Variants in NEMP2 observed in about 807,000 individuals in gnomAD.
NEMP2 encodes the protein UPF0571 transmembrane protein.
In NEMP2, 53 loss-of-function variants were observed where a neutral mutation model predicts 54.2. That is an observed-to-expected ratio of 0.98 (90% CI 0.78 to 1.23). The LOEUF (loss-of-function observed/expected upper bound fraction) is 1.23, where lower values mean the gene tolerates loss of function less well. Among genes scored for constraint, NEMP2 ranks in the 50% most tolerant of loss-of-function variants. The pLI, the probability that NEMP2 is intolerant of heterozygous loss-of-function variation, is 0.00. For synonymous variants in NEMP2, 197 were observed against 190.3 expected, an observed-to-expected ratio of 1.04 and a Z score of -0.29; for missense variants, 455 against 511.3, an observed-to-expected ratio of 0.89 and a Z score of 1.06.
chr2:190,611,254 A>T, the NEMP2 span, among the ~76,000 whole-genome samples: 10 of 152,352 alleles, frequency 6.6e-5, no homozygotes, highest in East Asian at 1.7e-3. This position sits in a 1 kb window ranked among gnomAD's most constrained non-coding sequence, Gnocchi z 5.4. Context: ...ACACATACAA[A>T]TAACATACTT....
At chr2:190,629,275 A>G in the NEMP2 span, among the ~76,000 whole-genome samples, 1 of 152,206 alleles carries the variant, frequency 6.6e-6, no homozygotes, top group Non-Finnish European at 1.5e-5. Context: ...AGCGGTCTTT[A>G]AAAAGTTCAT....
At chr2:190,630,342 C>T in the NEMP2 span, among the ~76,000 whole-genome samples, 285 of 152,238 alleles carry the variant, frequency 1.9e-3, 2 homozygotes, top group Middle Eastern at 0.01. This position sits in a 1 kb window ranked among gnomAD's most constrained non-coding sequence, Gnocchi z 5.5. Flanking sequence ...CTCAGCCTCC[C>T]GAGTAGCTGG....
chr2:190,557,576 T>G, the NEMP2 span, among the ~76,000 whole-genome samples: 1 of 152,160 alleles, frequency 6.6e-6, no homozygotes, highest in Non-Finnish European at 1.5e-5. Context: ...TGTATCCATC[T>G]GATAAAGGGC....
the NEMP2 span, among the ~76,000 whole-genome samples, chr2:190,564,320 G>A: frequency 1.2e-4 from 18 of 152,196 alleles, no homozygotes; most frequent in Non-Finnish European, 2.2e-4. This position sits in a 1 kb window ranked among gnomAD's most constrained non-coding sequence, Gnocchi z 4.2. Context: ...TCTCCAAGGT[G>A]TAGCACAGTG....
the NEMP2 span, among the ~76,000 whole-genome samples, chr2:190,475,708 CTACTT>C: frequency 6.6e-5 from 10 of 152,168 alleles, no homozygotes; most frequent in Non-Finnish European, 1.2e-4. Context: ...TTGGAAAAAA[CTACTT>C]TAAAGTTCAT....
At chr2:190,478,929 G>A in the NEMP2 span, among the ~76,000 whole-genome samples, 2 of 152,076 alleles carry the variant, frequency 1.3e-5, no homozygotes, top group South Asian at 4.2e-4. Flanking sequence ...GTACTATCTA[G>A]AGGGTAGCTG....
At chr2:190,575,984 T>C in the NEMP2 span, among the ~76,000 whole-genome samples, 1 of 152,048 alleles carries the variant, frequency 6.6e-6, no homozygotes, top group South Asian at 2.1e-4. Context: ...TTTACTTTTT[T>C]TTTTTTTTGA....
chr2:190,535,015 C>G (rs1192061196), upstream of NEMP2: 3 of 194,628 alleles, frequency 1.5e-5, no homozygotes, highest in African/African-American at 7.0e-5. Context: ...CTGCCCTCGG[C>G]GCAGGGGTGG....
At chr2:190,456,049 T>A in the NEMP2 span, among the ~76,000 whole-genome samples, 1 of 148,840 alleles carries the variant, frequency 6.7e-6, no homozygotes, top group Non-Finnish European at 1.5e-5. This position sits in a 1 kb window ranked among gnomAD's most constrained non-coding sequence, Gnocchi z 5.4. Flanking sequence ...CAAGCAGTTC[T>A]CCTGTGTCAG....
chr2:190,639,645 T>G, the NEMP2 span, among the ~76,000 whole-genome samples: 864 of 146,856 alleles, frequency 5.9e-3, 10 homozygotes, highest in African/African-American at 0.02. Flanking sequence ...AGTTTTTTTT[T>G]TTTGTTTTTT....
At position 190,510,339 on chromosome 2, in the gene NEMP2, C is replaced by G. The variant is rs113478265; in HGVS notation, c.1130+22G>C. 5 of 1,550,900 alleles carry G rather than the reference C, an allele frequency of 3.2e-6. No homozygotes were observed. In the African/African-American group the frequency reaches 4.1e-5, roughly 13 times the overall value. ...AATCATTCTGAACTAAACTATGGTCCGAGCAGCAGAGCGGGACTTACTTGC... is the reference window on the plus strand; with the variant it reads ...AATCATTCTGAACTAAACTATGGTCGGAGCAGCAGAGCGGGACTTACTTGC... On this transcript the variant is annotated intron_variant, in intron 8 of 8. Transcript: ENST00000409150. The surrounding 1 kb of genome is among the most constrained non-coding windows in gnomAD (Gnocchi z 5.7).
the NEMP2 span, among the ~76,000 whole-genome samples, chr2:190,432,115 ACT>A: frequency 6.6e-6 from 1 of 152,122 alleles, no homozygotes; most frequent in African/African-American, 2.4e-5. Flanking sequence ...GGTCTTGATA[ACT>A]CTGAGTTCCT....
At chr2:190,493,546 C>T in the NEMP2 span, among the ~76,000 whole-genome samples, 1 of 152,184 alleles carries the variant, frequency 6.6e-6, no homozygotes, top group African/African-American at 2.4e-5. Flanking sequence ...CAGATATTTA[C>T]AGAACATTCT....
At position 190,530,135 on chromosome 2, in the gene NEMP2, C is replaced by T. The variant is rs1272013944; in HGVS notation, c.97+4424G>A. Among the ~76,000 whole-genome samples the T allele has an allele frequency of 6.6e-6, 1 of 152,202 alleles. No homozygotes were observed. The highest frequency in any genetic ancestry group is 1.9e-4 in the East Asian group (1 of 5,194). On this transcript the variant is annotated intron_variant, in intron 1 of 8. Coordinates refer to ENST00000409150, the MANE Select transcript of NEMP2 (RefSeq NM_001142645.2). This position sits in a 1 kb window ranked among gnomAD's most constrained non-coding sequence, Gnocchi z 4.6. Reference sequence around the variant, plus strand: ...AGTTAGAGGAAAAGAACTTGTTCTGCATTTCCCCTCAGTCTTCAACCAGAT... The same window carrying T: ...AGTTAGAGGAAAAGAACTTGTTCTGTATTTCCCCTCAGTCTTCAACCAGAT...
chr2:190,614,438 T>TAAAAAC, the NEMP2 span, among the ~76,000 whole-genome samples: 3 of 151,752 alleles, frequency 2.0e-5, no homozygotes, highest in Non-Finnish European at 4.4e-5. This position sits in a 1 kb window ranked among gnomAD's most constrained non-coding sequence, Gnocchi z 5.7. Flanking sequence ...AGGAGAGAAA[T>TAAAAAC]AAAAACAAAA....
chr2:190,500,277 G>A, downstream of NEMP2: 2 of 1,583,204 alleles, frequency 1.3e-6, no homozygotes, highest in Non-Finnish European at 1.7e-6. This position sits in a 1 kb window ranked among gnomAD's most constrained non-coding sequence, Gnocchi z 5.3. Context: ...AGGACACAGG[G>A]TGAGGCCCCC....
At chr2:190,614,613 A>G in the NEMP2 span, among the ~76,000 whole-genome samples, 1 of 152,154 alleles carries the variant, frequency 6.6e-6, no homozygotes, top group Non-Finnish European at 1.5e-5. This position sits in a 1 kb window ranked among gnomAD's most constrained non-coding sequence, Gnocchi z 5.7. Flanking sequence ...TGGACCCAAT[A>G]CCTCCCATTT....
the NEMP2 span, among the ~76,000 whole-genome samples, chr2:190,439,992 T>C: frequency 6.6e-6 from 1 of 152,204 alleles, no homozygotes; most frequent in African/African-American, 2.4e-5. This position sits in a 1 kb window ranked among gnomAD's most constrained non-coding sequence, Gnocchi z 5.8. Context: ...CATTAAGTAG[T>C]TGGTGAAGAG....
the NEMP2 span, among the ~76,000 whole-genome samples, chr2:190,544,917 G>A: frequency 1.1e-4 from 14 of 127,010 alleles, no homozygotes; most frequent in Non-Finnish European, 6.4e-5. Flanking sequence ...GTGAGACACT[G>A]TCTCTACCCC....
Sources: gnomAD v4.1 joint callset for allele counts (sites outside exome capture counted in the v4.1 genomes callset) on GRCh38, gnomAD v4.1.1 for gene constraint, Gnocchi (gnomAD v3.1) non-coding constraint, MANE v1.5 for transcripts, NCBI Gene and HGNC (gene_info 2026-07-23, HGNC 2026-07-21) for gene names.